FOXP2: variants seen among roughly 807,000 people sequenced by gnomAD.
The protein encoded by FOXP2 is forkhead box protein P2.
FOXP2 carries 12 observed loss-of-function variants against 115.8 expected under a neutral mutation model. The observed-to-expected ratio is 0.10, with a 90% CI of 0.07 to 0.17. The LOEUF (loss-of-function observed/expected upper bound fraction) is 0.17, where lower values mean the gene tolerates loss of function less well. Among genes scored for constraint, FOXP2 ranks in the 10% least tolerant of loss-of-function variants. The pLI is 1.00. For synonymous variants in FOXP2, 328 were observed against 297.7 expected, an observed-to-expected ratio of 1.10 and a Z score of -1.05; for missense variants, 629 against 843.5, an observed-to-expected ratio of 0.75 and a Z score of 3.15.
At chr7:114,641,154 T>G (rs528860282) in intron 6 of FOXP2, among the ~76,000 whole-genome samples, 1 of 152,322 alleles carries the variant, frequency 6.6e-6, no homozygotes, top group Admixed American at 6.5e-5. Context: ...TTAACTTCTC[T>G]CTTAGTTTGT....
chr7:114,550,004 C>T (rs2129286200), intron 3 of FOXP2, among the ~76,000 whole-genome samples: 1 of 151,854 alleles, frequency 6.6e-6, no homozygotes, highest in South Asian at 2.1e-4. Flanking sequence ...GTCTCATAGG[C>T]CAGTAAGTTA....
At chr7:114,404,623 G>GT (rs1422819996) in intron 2 of FOXP2, among the ~76,000 whole-genome samples, 4 of 151,970 alleles carry the variant, frequency 2.6e-5, no homozygotes, top group Non-Finnish European at 5.9e-5. Flanking sequence ...TAAAATTAAG[G>GT]TTTTTTCTTT....
chr7:114,196,724 G>A (rs952954612), intron 1 of FOXP2, among the ~76,000 whole-genome samples: 2 of 152,192 alleles, frequency 1.3e-5, no homozygotes, highest in Admixed American at 6.5e-5. Context: ...GTGGGTATGC[G>A]ATCTGCAATC....
chr7:114,504,160 A>G (rs958601578), intron 2 of FOXP2, among the ~76,000 whole-genome samples: 4 of 151,728 alleles, frequency 2.6e-5, no homozygotes, highest in African/African-American at 4.8e-5. Flanking sequence ...ACTGTAATCT[A>G]TAAAAATCAA....
chr7:114,561,375 A>G (rs1464042009), intron 3 of FOXP2: 1 of 152,192 alleles, frequency 6.6e-6, no homozygotes, highest in Non-Finnish European at 1.5e-5. Flanking sequence ...GGACAATAGC[A>G]CCAAGTAATG....
At chr7:114,469,206 G>A (rs1266229151) in intron 2 of FOXP2, among the ~76,000 whole-genome samples, 2 of 152,084 alleles carry the variant, frequency 1.3e-5, no homozygotes, top group Admixed American at 6.6e-5. Flanking sequence ...ATATATGTGA[G>A]TGTATGTGTA....
intron 2 of FOXP2, among the ~76,000 whole-genome samples, chr7:114,316,444 C>A (rs2129180880): frequency 6.6e-6 from 1 of 152,246 alleles, no homozygotes; most frequent in Non-Finnish European, 1.5e-5. Context: ...CAGGTATAGT[C>A]CCTACTTTCA....
At chr7:114,663,128 A>G (rs545973877) in intron 14 of FOXP2, among the ~76,000 whole-genome samples, 6 of 152,108 alleles carry the variant, frequency 3.9e-5, no homozygotes, top group African/African-American at 1.2e-4. Flanking sequence ...ACATTTTAAA[A>G]ATTTTGTATG....
intron 1 of FOXP2, among the ~76,000 whole-genome samples, chr7:114,155,865 C>T (rs1792652934): frequency 1.3e-5 from 2 of 152,050 alleles, no homozygotes; most frequent in Non-Finnish European, 2.9e-5. Context: ...GCGGTTTGAC[C>T]TTTTGACTTG....
At chr7:114,470,830 C>T (rs761612220) in intron 2 of FOXP2, among the ~76,000 whole-genome samples, 1 of 151,908 alleles carries the variant, frequency 6.6e-6, no homozygotes, top group Non-Finnish European at 1.5e-5. Context: ...ATCTCTCCCT[C>T]GGGGAAGGGG....
intron 1 of FOXP2, among the ~76,000 whole-genome samples, chr7:114,096,768 G>T (rs1451788578): frequency 6.6e-6 from 1 of 152,124 alleles, no homozygotes; most frequent in Non-Finnish European, 1.5e-5. Flanking sequence ...AAGTGCAGTT[G>T]CACAGTACTC....
chr7:114,469,283 T>A (rs1453433608), intron 2 of FOXP2, among the ~76,000 whole-genome samples: 1 of 152,170 alleles, frequency 6.6e-6, no homozygotes, highest in Non-Finnish European at 1.5e-5. Context: ...AGTCACACAA[T>A]ATCCTATGTC....
intron 3 of FOXP2, among the ~76,000 whole-genome samples, chr7:114,571,641 A>G (rs544969736): frequency 2.3e-4 from 35 of 151,900 alleles, no homozygotes; most frequent in African/African-American, 8.4e-4. Context: ...ATTTTCATAC[A>G]TTTTTCTTCC....
At chr7:114,338,458 A>G (rs886326217) in intron 2 of FOXP2, among the ~76,000 whole-genome samples, 16 of 151,158 alleles carry the variant, frequency 1.1e-4, no homozygotes, top group African/African-American at 3.4e-4. Context: ...AATAGTAAAT[A>G]TTAAAATTAT....
At chr7:114,144,065 C>CA (rs998229570) in intron 1 of FOXP2, among the ~76,000 whole-genome samples, 7 of 152,202 alleles carry the variant, frequency 4.6e-5, no homozygotes, top group Admixed American at 4.6e-4. Context: ...TATTATAAAA[C>CA]AGACTCAGGG....
intron 3 of FOXP2, among the ~76,000 whole-genome samples, chr7:114,626,976 T>C (rs977370988): frequency 3.3e-5 from 5 of 151,890 alleles, no homozygotes; most frequent in African/African-American, 1.2e-4. Context: ...AATCACTGAA[T>C]TTCTGTCATA....
At chr7:114,601,844 GA>G (rs1245570287) in intron 3 of FOXP2, among the ~76,000 whole-genome samples, 3 of 151,988 alleles carry the variant, frequency 2.0e-5, no homozygotes, top group Admixed American at 1.3e-4. Context: ...GAAATTCGTT[GA>G]AATTTGTTTT....
intron 1 of FOXP2, among the ~76,000 whole-genome samples, chr7:114,212,224 G>C (rs1289283487): frequency 6.6e-6 from 1 of 151,684 alleles, no homozygotes; most frequent in East Asian, 1.9e-4. Flanking sequence ...CCTATCTTAA[G>C]TGTTTTGTGT....
intron 2 of FOXP2, among the ~76,000 whole-genome samples, chr7:114,457,255 A>G (rs1262992679): frequency 6.6e-6 from 1 of 152,200 alleles, no homozygotes; most frequent in East Asian, 1.9e-4. Context: ...AAGTATATCA[A>G]AACCATATTG....
Sources: allele counts gnomAD v4.1 joint callset (sites outside exome capture counted in the v4.1 genomes callset), GRCh38; gene constraint gnomAD v4.1.1; transcripts MANE v1.5; gene names NCBI Gene and HGNC (gene_info 2026-07-23, HGNC 2026-07-21).